ACSS3: variants seen among roughly 807,000 people sequenced by gnomAD.
The protein encoded by ACSS3 is acyl-CoA synthetase short-chain family member 3, mitochondrial.
Under a neutral mutation model 84.2 loss-of-function variants are expected in ACSS3, and 64 were observed. That is an observed-to-expected ratio of 0.76 (90% CI 0.62 to 0.94). The LOEUF is 0.94. ACSS3 is among the 40% of genes least tolerant of loss of function. The probability of loss-of-function intolerance (pLI) is 0.00; values close to 1 mark genes in which losing one functional copy is unlikely to be tolerated. For synonymous variants in ACSS3, 317 were observed against 310.1 expected, an observed-to-expected ratio of 1.02 and a Z score of -0.23; for missense variants, 815 against 867.6, an observed-to-expected ratio of 0.94 and a Z score of 0.76.
chr12:81,119,679 C>G (rs1054740998), intron 2 of ACSS3, among the ~76,000 whole-genome samples: 2 of 152,136 alleles, frequency 1.3e-5, no homozygotes, highest in Non-Finnish European at 2.9e-5. Flanking sequence ...CTATATGGCT[C>G]TATTCTGCCT....
intron 2 of ACSS3, among the ~76,000 whole-genome samples, chr12:81,131,601 A>G (rs1565995602): frequency 1.3e-5 from 2 of 152,112 alleles, no homozygotes; most frequent in Non-Finnish European, 2.9e-5. Flanking sequence ...CTCTTTTTCT[A>G]ATTGAATACC....
At chr12:81,245,034 C>T (rs2033936943) in intron 13 of ACSS3, among the ~76,000 whole-genome samples, 3 of 152,026 alleles carry the variant, frequency 2.0e-5, no homozygotes, top group Admixed American at 2.0e-4. Context: ...GTAAGTAGGC[C>T]TTTGCTGGTG....
chr12:81,107,926 G>A (rs1027731823), intron 1 of ACSS3, among the ~76,000 whole-genome samples: 1 of 152,092 alleles, frequency 6.6e-6, no homozygotes, highest in Admixed American at 6.5e-5. Flanking sequence ...TAGTGGTGCA[G>A]GAGAGCTAGC....
At chr12:81,119,026 C>T (rs557497993) in intron 2 of ACSS3, among the ~76,000 whole-genome samples, 6 of 152,184 alleles carry the variant, frequency 3.9e-5, no homozygotes, top group African/African-American at 1.2e-4. Flanking sequence ...TTTCTAATTT[C>T]CCTAAGTGTC....
intron 7 of ACSS3, among the ~76,000 whole-genome samples, chr12:81,159,431 A>G (rs1887041540): frequency 6.6e-6 from 1 of 152,182 alleles, no homozygotes; most frequent in Admixed American, 6.6e-5. Context: ...TTATCAATGG[A>G]ATTGGACATA....
chr12:81,221,166 G>A (rs923753536), intron 11 of ACSS3, among the ~76,000 whole-genome samples: 1 of 152,052 alleles, frequency 6.6e-6, no homozygotes, highest in Admixed American at 6.6e-5. Flanking sequence ...AGAAATGGAA[G>A]TTGATTAAGT....
At chr12:81,091,451 A>G (rs1782401434) in intron 1 of ACSS3, among the ~76,000 whole-genome samples, 2 of 151,980 alleles carry the variant, frequency 1.3e-5, no homozygotes, top group African/African-American at 4.8e-5. Flanking sequence ...TTATTTAAAA[A>G]TATTGGGTCT....
At chr12:81,167,120 A>T (rs893555575) in intron 7 of ACSS3, among the ~76,000 whole-genome samples, 7 of 152,250 alleles carry the variant, frequency 4.6e-5, no homozygotes, top group African/African-American at 1.2e-4. Flanking sequence ...TAATTTGCTT[A>T]GCACTGCATC....
chr12:81,190,040 C>A (rs1309373957), intron 8 of ACSS3, among the ~76,000 whole-genome samples: 1 of 152,142 alleles, frequency 6.6e-6, no homozygotes, highest in Non-Finnish European at 1.5e-5. Context: ...TGTTTGTATT[C>A]ACATTACTCT....
At chr12:81,134,367 T>C (rs1166015126) in intron 2 of ACSS3, among the ~76,000 whole-genome samples, 1 of 152,194 alleles carries the variant, frequency 6.6e-6, no homozygotes, top group Non-Finnish European at 1.5e-5. Flanking sequence ...ATATACTTGC[T>C]TCCTTTAACA....
chr12:81,245,199 C>T (rs552856254), intron 13 of ACSS3, among the ~76,000 whole-genome samples: 6 of 152,276 alleles, frequency 3.9e-5, no homozygotes, highest in South Asian at 4.1e-4. Context: ...CGGTGGCTCA[C>T]GCCTGTAATC....
At chr12:81,160,402 T>C (rs183727490) in intron 7 of ACSS3, among the ~76,000 whole-genome samples, 1 of 152,346 alleles carries the variant, frequency 6.6e-6, no homozygotes, top group Admixed American at 6.5e-5. Flanking sequence ...CTCTGCCTTC[T>C]CAGGCAATAA....
intron 1 of ACSS3, among the ~76,000 whole-genome samples, chr12:81,086,636 GCTTA>G (rs1335771068): frequency 6.6e-6 from 1 of 152,146 alleles, no homozygotes; most frequent in Non-Finnish European, 1.5e-5. Context: ...CTGAAAGGTG[GCTTA>G]CTTTTCTTTT....
intron 1 of ACSS3, among the ~76,000 whole-genome samples, chr12:81,087,667 A>G (rs1472234832): frequency 1.3e-5 from 2 of 151,914 alleles, no homozygotes. Flanking sequence ...ATTTTTTCTT[A>G]TTTTCATAGA....
At chr12:81,253,942 A>G (rs77711310) in intron 15 of ACSS3, among the ~76,000 whole-genome samples, 3,938 of 152,166 alleles carry the variant, frequency 0.026, 84 homozygotes, top group South Asian at 0.073. Context: ...ATTTTAATTT[A>G]GAGATAGAGT....
At chr12:81,204,942 T>C (rs2032280905) in intron 9 of ACSS3, among the ~76,000 whole-genome samples, 1 of 152,160 alleles carries the variant, frequency 6.6e-6, no homozygotes, top group African/African-American at 2.4e-5. Context: ...ACAGTAGTCA[T>C]CTAATGAACT....
chr12:81,154,894 CT>C (rs1032935812), intron 7 of ACSS3, among the ~76,000 whole-genome samples: 1 of 152,106 alleles, frequency 6.6e-6, no homozygotes, highest in African/African-American at 2.4e-5. Flanking sequence ...TTCCTCCTGT[CT>C]TTCCTTTCTT....
intron 7 of ACSS3, among the ~76,000 whole-genome samples, chr12:81,165,664 AT>A (rs1265334470): frequency 2.0e-5 from 3 of 151,742 alleles, no homozygotes; most frequent in Admixed American, 2.0e-4. Flanking sequence ...AAAAAAAAAG[AT>A]TAATATAAAG....
Position 81,214,569 on chromosome 12 carries a change from A to C in ACSS3, c.1355-2332A>C, listed in dbSNP as rs187338755. Reference sequence around the variant, plus strand: ...GAAGAATAAAGGTTATAAATAAATAATTACTATAGAAAGATGCTTGGGAAT... The same window carrying C: ...GAAGAATAAAGGTTATAAATAAATACTTACTATAGAAAGATGCTTGGGAAT... On this transcript the variant is annotated intron_variant, in intron 9 of 15. Coordinates refer to ENST00000548058, the MANE Select transcript of ACSS3 (RefSeq NM_024560.4). Among the ~76,000 whole-genome samples, 1,257 of 152,292 alleles carry C rather than the reference A, an allele frequency of 8.3e-3. 24 individuals are homozygous for C. The highest frequency in any genetic ancestry group is 0.029 in the African/African-American group (1,202 of 41,558).
Sources: gnomAD v4.1 joint callset for allele counts (sites outside exome capture counted in the v4.1 genomes callset) on GRCh38, gnomAD v4.1.1 for gene constraint, MANE v1.5 for transcripts, NCBI Gene and HGNC (gene_info 2026-07-23, HGNC 2026-07-21) for gene names.